The following RIPOR2 variants were observed in gnomAD, a reference collection of about 807,000 sequenced individuals.
RIPOR2 encodes the protein rho family-interacting cell polarization regulator 2.
A neutral mutation model predicts 114.5 loss-of-function variants in RIPOR2; 39 were observed. The observed-to-expected ratio is 0.34, with a 90% CI of 0.26 to 0.44. RIPOR2 has a LOEUF of 0.44. RIPOR2 is among the 20% of genes least tolerant of loss of function. RIPOR2 has a pLI of 1.00. For missense variants in RIPOR2, 1,007 were observed against 1,255.1 expected (o/e 0.80, Z 2.99); for synonymous variants, 445 against 484.4 (o/e 0.92, Z 1.07).
chr6:24,975,811 C>T (rs967126588), intron 1 of RIPOR2, among the ~76,000 whole-genome samples: 1 of 152,070 alleles, frequency 6.6e-6, no homozygotes, highest in African/African-American at 2.4e-5. Flanking sequence ...TATATTGAAA[C>T]ATCACTTTGT....
At chr6:24,961,988 T>C (rs1464999190) in intron 1 of RIPOR2, among the ~76,000 whole-genome samples, 1 of 152,112 alleles carries the variant, frequency 6.6e-6, no homozygotes, top group African/African-American at 2.4e-5. Context: ...TCATTACACA[T>C]GTGAAGAAAG....
intron 1 of RIPOR2, among the ~76,000 whole-genome samples, chr6:25,030,736 T>C (rs1776883690): frequency 6.6e-6 from 1 of 152,236 alleles, no homozygotes; most frequent in Admixed American, 6.5e-5. Flanking sequence ...TTGGCTCTTG[T>C]TGCCCAGGCT....
intron 1 of RIPOR2, among the ~76,000 whole-genome samples, chr6:25,027,467 T>C (rs1776686236): frequency 6.6e-6 from 1 of 152,122 alleles, no homozygotes; most frequent in East Asian, 1.9e-4. Flanking sequence ...TGTGCAGCGG[T>C]TTCTGTTTCT....
rs889552573 is a variant in RIPOR2 at position 24,858,580 on chromosome 6, A to C, written c.715+2393T>G. Among the ~76,000 whole-genome samples, 2 of 152,168 alleles carry C rather than the reference A, an allele frequency of 1.3e-5. No individual in the cohort carries two copies. Among genetic ancestry groups the C allele is most frequent in the African/African-American group, 4.8e-5 (2 of 41,444 alleles). ...ATTTCCATGGGGGTGTTTACCATTG[A>C]AAGCCTTCACAGATGTAGTTTCTGA... On this transcript the variant is annotated intron_variant, in intron 8 of 21. Transcript: ENST00000643898. The surrounding 1 kb of genome is among the most constrained non-coding windows in gnomAD (Gnocchi z 4.0).
chr6:24,933,517 C>T (rs550245771), intron 1 of RIPOR2, among the ~76,000 whole-genome samples: 1 of 152,166 alleles, frequency 6.6e-6, no homozygotes, highest in African/African-American at 2.4e-5. Flanking sequence ...ACATGAGCCA[C>T]GGCTCTGAAA....
chr6:25,010,887 A>G (rs1010324726), intron 1 of RIPOR2, among the ~76,000 whole-genome samples: 3 of 152,234 alleles, frequency 2.0e-5, no homozygotes, highest in Admixed American at 2.0e-4. Context: ...CACCACTGCC[A>G]ACAAATGATC....
chr6:24,935,024 C>T (rs1771663029), intron 1 of RIPOR2, among the ~76,000 whole-genome samples: 2 of 152,000 alleles, frequency 1.3e-5, no homozygotes, highest in Admixed American at 1.3e-4. Flanking sequence ...GAGAAGGACC[C>T]AGGCCGGGCA....
At chr6:24,965,148 T>A (rs76814556) in intron 1 of RIPOR2, among the ~76,000 whole-genome samples, 12 of 78,904 alleles carry the variant, frequency 1.5e-4, no homozygotes, top group Admixed American at 8.2e-4. Context: ...TTTATTTTTT[T>A]TATTTTATTT....
intron 1 of RIPOR2, among the ~76,000 whole-genome samples, chr6:25,016,190 G>A (rs921513211): frequency 6.6e-6 from 1 of 151,986 alleles, no homozygotes; most frequent in Non-Finnish European, 1.5e-5. Flanking sequence ...TAAGGCATAA[G>A]CCACCACTCC....
chr6:25,016,538 G>T (rs553457924), intron 1 of RIPOR2, among the ~76,000 whole-genome samples: 146 of 152,254 alleles, frequency 9.6e-4, no homozygotes, highest in African/African-American at 3.4e-3. Flanking sequence ...ACACCTAAGA[G>T]GAAAGAGAAG....
intron 1 of RIPOR2, among the ~76,000 whole-genome samples, chr6:24,926,318 G>T (rs115742132): frequency 6.6e-6 from 1 of 152,164 alleles, no homozygotes; most frequent in Non-Finnish European, 1.5e-5. Flanking sequence ...TTAAAGATAT[G>T]ATTTTCACCT....
chr6:24,843,375 G>A lies in RIPOR2; in HGVS notation c.1344C>T (p.Ser448=). 6.2e-7 allele frequency: 1 copy of A among 1,613,942 alleles called. No homozygotes were observed. Among genetic ancestry groups the A allele is most frequent in the Non-Finnish European group, 8.5e-7 (1 of 1,179,884 alleles). Residue 448 remains serine (S), a synonymous_variant, in exon 13 of 22, where the codon AGC becomes AGT. Transcript: ENST00000643898. ...ITITPAEFNL[S]SLASQNEGMD... is the part of the protein sequence containing the mutation. ...TACCCTCATTCTGGGAGGCCAAGCT[G>A]CTGAGGTTAAACTCCGCAGGGGTGA...
chr6:24,837,002 T>C (rs1761173468), intron 14 of RIPOR2, among the ~76,000 whole-genome samples: 1 of 152,254 alleles, frequency 6.6e-6, no homozygotes, highest in Non-Finnish European at 1.5e-5. Context: ...AAAGTTTAGA[T>C]TGATGCCTGA....
intron 1 of RIPOR2, among the ~76,000 whole-genome samples, chr6:24,970,631 C>T (rs1019103750): frequency 1.5e-4 from 23 of 152,142 alleles, no homozygotes; most frequent in African/African-American, 4.3e-4. Flanking sequence ...TGAATGACAT[C>T]CTAATGTATT....
At position 24,875,958 on chromosome 6, in the gene RIPOR2, C is replaced by A; in HGVS notation, c.62-141G>T. ...GTGAGGTTCTTTATTATGGAGTGTCCTGAAGACGAAGGGTTCAACTCTCAA... is the reference window on the plus strand; with the variant it reads ...GTGAGGTTCTTTATTATGGAGTGTCATGAAGACGAAGGGTTCAACTCTCAA... On this transcript the variant is annotated intron_variant, in intron 1 of 21. Coordinates refer to ENST00000643898, the MANE Select transcript of RIPOR2 (RefSeq NM_001286445.3). 4 of 765,462 alleles carry A rather than the reference C, an allele frequency of 5.2e-6. No individual in the cohort carries two copies. The South Asian group carries it at 7.5e-5, about 14-fold the overall frequency. 47.4% of individuals were successfully genotyped at this position (765,462 alleles called of 1,614,324 possible).
chr6:25,040,375 C>T (rs1777413157), intron 1 of RIPOR2, among the ~76,000 whole-genome samples: 2 of 152,062 alleles, frequency 1.3e-5, no homozygotes, highest in South Asian at 4.1e-4. Context: ...CTCGGCCTCC[C>T]AAAGTGTTGG....
chr6:25,014,208 C>T (rs1775880850), intron 1 of RIPOR2, among the ~76,000 whole-genome samples: 1 of 152,186 alleles, frequency 6.6e-6, no homozygotes, highest in Admixed American at 6.5e-5. Context: ...AATCCGTGAG[C>T]TTTAAACCGC....
intron 12 of RIPOR2, 107 bp from the exon 13 acceptor site, chr6:24,843,661 A>G: frequency 1.3e-6 from 1 of 758,442 alleles, no homozygotes. Context: ...GAAAAAACCC[A>G]GAACTTTCAG....
intron 1 of RIPOR2, among the ~76,000 whole-genome samples, chr6:24,949,388 G>A (rs1391691459): frequency 2.6e-5 from 4 of 152,180 alleles, no homozygotes; most frequent in Non-Finnish European, 5.9e-5. Context: ...AGATTTTAGA[G>A]ACTTCTCACC....
Sources: allele counts gnomAD v4.1 joint callset (sites outside exome capture counted in the v4.1 genomes callset), GRCh38; gene constraint gnomAD v4.1.1; non-coding constraint Gnocchi (gnomAD v3.1); transcripts MANE v1.5; gene names NCBI Gene and HGNC (gene_info 2026-07-23, HGNC 2026-07-21).